Variants in TENM3 observed in about 807,000 individuals in gnomAD.
The protein encoded by TENM3 is teneurin transmembrane protein 3.
A neutral mutation model predicts 255.1 loss-of-function variants in TENM3; 63 were observed. The ratio of observed to expected loss-of-function variants is 0.25; its 90% CI spans 0.20 to 0.30. The LOEUF (loss-of-function observed/expected upper bound fraction) is 0.30, where lower values mean the gene tolerates loss of function less well. Ranked by LOEUF, TENM3 falls within the 10% of genes least tolerant of loss-of-function variation. The pLI is 1.00. For synonymous variants in TENM3, 1,306 were observed against 1,322.3 expected (o/e 0.99, Z 0.27); for missense variants, 2,929 against 3,461.1 (o/e 0.85, Z 3.86).
At position 182,150,604 on chromosome 4, in the gene TENM3, A is replaced by G. The variant is rs573772862; in HGVS notation, c.-76+5850A>G. ...TGTTTATAAGACTGAAAATCAAGTT[A>G]TAGTTTTCTATGTAGAGACTTAAAA... On this transcript the variant is annotated intron_variant, in intron 1 of 2. Transcript: ENST00000512480. Among the ~76,000 whole-genome samples, 235 of 150,852 alleles carry G rather than the reference A, an allele frequency of 1.6e-3. No homozygotes were observed. In the Middle Eastern group the frequency reaches 0.017, roughly 11 times the overall value.
the TENM3 span, among the ~76,000 whole-genome samples, chr4:181,778,923 T>G: frequency 6.6e-6 from 1 of 152,092 alleles, no homozygotes; most frequent in African/African-American, 2.4e-5. Context: ...GGATTTATAA[T>G]AGGAATTAGG....
intron 5 of TENM3, among the ~76,000 whole-genome samples, chr4:182,642,062 G>A (rs1752364418): frequency 6.6e-6 from 1 of 152,186 alleles, no homozygotes; most frequent in African/African-American, 2.4e-5. Context: ...TATTTTGAAT[G>A]TTATTGAAAT....
chr4:181,545,691 A>G, the TENM3 span, among the ~76,000 whole-genome samples: 10 of 152,216 alleles, frequency 6.6e-5, no homozygotes, highest in Admixed American at 4.6e-4. Flanking sequence ...TGAATGCTGC[A>G]TATACCAAAT....
chr4:181,786,288 G>C, the TENM3 span, among the ~76,000 whole-genome samples: 5 of 152,288 alleles, frequency 3.3e-5, no homozygotes, highest in Admixed American at 3.3e-4. Context: ...ACCCTCTGAA[G>C]GTTCACTGAA....
intron 1 of TENM3, among the ~76,000 whole-genome samples, chr4:182,161,374 C>T (rs1211513182): frequency 1.7e-5 from 2 of 119,358 alleles, no homozygotes; most frequent in African/African-American, 3.2e-5. Context: ...CGAGATCGCG[C>T]CACTGCACTC....
At chr4:182,636,584 G>T (rs1032721996) in intron 5 of TENM3, among the ~76,000 whole-genome samples, 6 of 152,020 alleles carry the variant, frequency 3.9e-5, no homozygotes, top group African/African-American at 1.4e-4. Flanking sequence ...AGGCATGGTG[G>T]CACGCACCTG....
intron 1 of TENM3, among the ~76,000 whole-genome samples, chr4:182,250,658 C>T (rs541758413): frequency 6.6e-6 from 1 of 152,278 alleles, no homozygotes; most frequent in Non-Finnish European, 1.5e-5. Context: ...TGAATGATTT[C>T]CAGCTAGTAG....
rs201805023 is a variant in TENM3, at chr4:182,431,036, T to C, written c.511+84107T>C. 8.5e-3 allele frequency among the ~76,000 whole-genome samples: 1,253 copies of C among 146,926 alleles called. 14 individuals carry two copies. Among genetic ancestry groups the C allele is most frequent in the Admixed American group, 0.017 (252 of 14,788 alleles). ...CTAAATAAATAAATAAATAAATAAA[T>C]AAACAAACAAACAAACAAACAAATA... On this transcript the variant is annotated intron_variant, in intron 3 of 27. Transcript: ENST00000511685.
At chr4:182,236,145 C>T (rs1020388881) in intron 1 of TENM3, among the ~76,000 whole-genome samples, 2 of 152,198 alleles carry the variant, frequency 1.3e-5, no homozygotes, top group South Asian at 4.1e-4. Flanking sequence ...ATGTTACACA[C>T]TGTTTCCCCC....
chr4:182,230,107 C>T (rs1294250860), intron 1 of TENM3, among the ~76,000 whole-genome samples: 2 of 143,812 alleles, frequency 1.4e-5, no homozygotes, highest in Admixed American at 7.3e-5. Flanking sequence ...ATTTCATGTC[C>T]GCTGCTTGCT....
rs562010498 is a variant in TENM3 at position 182,659,904 on chromosome 4, G to A, written c.1111+6011G>A. On this transcript the variant is annotated intron_variant, in intron 6 of 27. Transcript: ENST00000511685. ...AGCACACAGAGACAAGGAGTGTAGA[G>A]TTACGAGCCTCACCACCTGATGTGG... 6.6e-4 allele frequency among the ~76,000 whole-genome samples: 101 copies of A among 152,234 alleles called. 1 individual carries two copies. Among genetic ancestry groups the A allele is most frequent in the African/African-American group, 2.4e-3 (101 of 41,540 alleles).
chr4:182,459,986 C>G (rs529316641), intron 3 of TENM3, among the ~76,000 whole-genome samples: 1 of 152,114 alleles, frequency 6.6e-6, no homozygotes, highest in African/African-American at 2.4e-5. Flanking sequence ...ATCGCCAGCC[C>G]CCATTTCCAG....
chr4:182,009,981 A>G, the TENM3 span, among the ~76,000 whole-genome samples: 149,192 of 152,122 alleles, frequency 0.98, 73,217 homozygotes, highest in East Asian at 1. Context: ...CAGGTGGGCC[A>G]CCACACCACA....
At chr4:182,441,664 AT>A (rs1772498511) in intron 3 of TENM3, among the ~76,000 whole-genome samples, 2 of 151,980 alleles carry the variant, frequency 1.3e-5, no homozygotes, top group Middle Eastern at 6.3e-3. Flanking sequence ...CGCCCAGCTA[AT>A]TTTTGTATTT....
At chr4:182,796,611 T>C (rs1434576773) in intron 26 of TENM3, 26 bp from the exon 27 acceptor site, 1 of 1,574,878 alleles carries the variant, frequency 6.3e-7, no homozygotes, top group Non-Finnish European at 8.6e-7. Flanking sequence ...CTCCAACACC[T>C]TTCATTCTGA....
chr4:182,653,309 T>A (rs974848938), intron 5 of TENM3, among the ~76,000 whole-genome samples: 27 of 152,224 alleles, frequency 1.8e-4, no homozygotes, highest in African/African-American at 4.8e-4. Flanking sequence ...CAAATTCATC[T>A]GTGAGACAAG....
intron 3 of TENM3, among the ~76,000 whole-genome samples, chr4:182,348,095 A>G (rs1209353608): frequency 6.6e-6 from 1 of 152,220 alleles, no homozygotes; most frequent in Non-Finnish European, 1.5e-5. Context: ...ATTTAAACCA[A>G]TGCAATCAAT....
At chr4:181,973,961 T>C in the TENM3 span, among the ~76,000 whole-genome samples, 6 of 152,140 alleles carry the variant, frequency 3.9e-5, no homozygotes, top group Non-Finnish European at 7.4e-5. Flanking sequence ...CCGGCAGGGG[T>C]AGGCTGGGAG....
At chr4:182,437,394 A>C (rs1772126179) in intron 3 of TENM3, among the ~76,000 whole-genome samples, 1 of 152,172 alleles carries the variant, frequency 6.6e-6, no homozygotes, top group Non-Finnish European at 1.5e-5. Context: ...CACTCCTGTA[A>C]TCCCAGCACT....
Sources: allele counts gnomAD v4.1 joint callset (sites outside exome capture counted in the v4.1 genomes callset), GRCh38; gene constraint gnomAD v4.1.1; transcripts MANE v1.5; gene names NCBI Gene and HGNC (gene_info 2026-07-23, HGNC 2026-07-21).